The following UBE2T variants were observed in gnomAD, a reference collection of about 807,000 sequenced individuals.
The protein encoded by UBE2T is ubiquitin conjugating enzyme E2 T.
Under a neutral mutation model 23.3 loss-of-function variants are expected in UBE2T, and 15 were observed. The ratio of observed to expected loss-of-function variants is 0.64; its 90% CI spans 0.43 to 0.99. UBE2T has a LOEUF of 0.99. UBE2T is among the 50% of genes least tolerant of loss of function. UBE2T has a pLI of 0.00. For missense variants in UBE2T, 197 were observed against 234.9 expected (o/e 0.84, Z 1.05); for synonymous variants, 67 against 78.4 (o/e 0.85, Z 0.77).
chr1:202,334,622 G>C (rs1223673908), intron 3 of UBE2T, among the ~76,000 whole-genome samples: 1 of 152,216 alleles, frequency 6.6e-6, no homozygotes, highest in African/African-American at 2.4e-5. Context: ...GGGAGTTAGA[G>C]TTTAATGGCT....
chr1:202,337,001 T>G (rs1053797477), intron 1 of UBE2T, among the ~76,000 whole-genome samples: 1 of 152,204 alleles, frequency 6.6e-6, no homozygotes, highest in Admixed American at 6.5e-5. Context: ...TGGAGTGCAG[T>G]GGTGCGATCT....
At chr1:202,338,616 T>C (rs1654935782) in intron 1 of UBE2T, among the ~76,000 whole-genome samples, 1 of 152,178 alleles carries the variant, frequency 6.6e-6, no homozygotes, top group African/African-American at 2.4e-5. Flanking sequence ...ACACTGCCAA[T>C]CATGTCATCC....
In UBE2T at chr1:202,333,103, A is replaced by G. The variant is rs1450979800; in HGVS notation, c.385-10T>C. Reference sequence around the variant, plus strand: ...ATTTAAATTCTGAGGACTGAGATGAAATCAAAGAAAAGAGTTAATGGAGAA... The same window carrying G: ...ATTTAAATTCTGAGGACTGAGATGAGATCAAAGAAAAGAGTTAATGGAGAA... On this transcript the variant is annotated splice_polypyrimidine_tract_variant and intron_variant, in intron 5 of 6. Coordinates refer to ENST00000646651, the MANE Select transcript of UBE2T (RefSeq NM_014176.4). The G allele has an allele frequency of 6.2e-7, 1 of 1,612,254 alleles. No homozygotes were observed. The highest frequency in any genetic ancestry group is 8.5e-7 in the Non-Finnish European group (1 of 1,178,414).
Position 202,335,336 on chromosome 1 carries a change from C to T in UBE2T, c.110-278G>A. Reference sequence around the variant, plus strand: ...AACCTATAGATTTGTTTTGTTTGGACCGCAGTATTCTAATCATGTATGTTT... The same window carrying T: ...AACCTATAGATTTGTTTTGTTTGGATCGCAGTATTCTAATCATGTATGTTT... On this transcript the variant is annotated intron_variant, in intron 2 of 6. Transcript: ENST00000646651. The surrounding 1 kb of genome is among the most constrained non-coding windows in gnomAD (Gnocchi z 4.0). The T allele has an allele frequency of 1.8e-6, 1 of 540,804 alleles. No homozygotes were observed. 33.5% of individuals were successfully genotyped at this position (540,804 alleles called of 1,614,324 possible).
chr1:202,332,090 T>C, intron 6 of UBE2T, 130 bp from the exon 7 acceptor site: 1 of 1,150,790 alleles, frequency 8.7e-7, no homozygotes, highest in Non-Finnish European at 1.2e-6. Flanking sequence ...ATGCATACGA[T>C]ATTCTCTCAA....
chr1:202,340,666 G>A (rs1422631616), intron 1 of UBE2T, among the ~76,000 whole-genome samples: 1 of 152,240 alleles, frequency 6.6e-6, no homozygotes, highest in Non-Finnish European at 1.5e-5. Context: ...TTTGGGATCT[G>A]CAGGATGTCC....
chr1:202,334,805 G>A (rs1430933066), intron 3 of UBE2T, among the ~76,000 whole-genome samples, 184 bp downstream of exon 3: 5 of 152,006 alleles, frequency 3.3e-5, no homozygotes, highest in Admixed American at 2.6e-4. Context: ...ATGTGATCTC[G>A]CCCATTGTTC....
rs374888024 is a variant in UBE2T, at chr1:202,333,052, A to G, written c.426T>C (p.Asn142=). 5 of 1,612,860 alleles carry G rather than the reference A, an allele frequency of 3.1e-6. No individual in the cohort carries two copies. The highest frequency in any genetic ancestry group is 4.2e-6 in the Non-Finnish European group (5 of 1,179,850). ...CATGCTTCTCTGTCCACTGTCTGGC[A>G]TTCTTGAGGAAGGCTGGCTTATTAT... ...FKYNKPAFLK[N]ARQWTEKHAR... The change falls in exon 6 of 7, where the codon AAT becomes AAC. Residue 142 remains asparagine, a synonymous_variant. Coordinates refer to ENST00000646651, the MANE Select transcript of UBE2T (RefSeq NM_014176.4).
At chr1:202,338,676 A>T (rs1654936784) in intron 1 of UBE2T, among the ~76,000 whole-genome samples, 1 of 152,066 alleles carries the variant, frequency 6.6e-6, no homozygotes, top group Non-Finnish European at 1.5e-5. Flanking sequence ...CCTGCCTTCT[A>T]TTCTGACAGT....
At chr1:202,334,739 G>A (rs1249285070) in intron 3 of UBE2T, among the ~76,000 whole-genome samples, 1 of 152,124 alleles carries the variant, frequency 6.6e-6, no homozygotes, top group African/African-American at 2.4e-5. Context: ...ACTTAAAAAT[G>A]GTCAACTTTA....
At chr1:202,333,365 T>C in intron 4 of UBE2T, 30 bp from the exon 5 acceptor site, 2 of 1,613,912 alleles carry the variant, frequency 1.2e-6, no homozygotes, top group Non-Finnish European at 1.7e-6. Context: ...CAGTTGCTTT[T>C]ATATTAGAAT....
chr1:202,334,924 T>C, intron 3 of UBE2T, 65 bp downstream of exon 3: 2 of 1,476,792 alleles, frequency 1.4e-6, no homozygotes, highest in Non-Finnish European at 1.9e-6. Flanking sequence ...ATCTACTACA[T>C]TGCTCTGTCT....
intron 3 of UBE2T, 109 bp from the exon 4 acceptor site, chr1:202,333,664 A>G (rs1348062376): frequency 9.9e-7 from 1 of 1,008,354 alleles, no homozygotes; most frequent in African/African-American, 1.6e-5. Flanking sequence ...AATGTCAGGG[A>G]GACTGCCTTT....
chr1:202,332,007 A>G (rs1357247752), intron 6 of UBE2T, 47 bp from the exon 7 acceptor site: 16 of 1,593,848 alleles, frequency 1.0e-5, no homozygotes, highest in African/African-American at 1.3e-5. Flanking sequence ...CACAAATGCC[A>G]GGATGGAGAA....
chr1:202,336,841 A>C (rs1399864628), intron 1 of UBE2T, among the ~76,000 whole-genome samples: 2 of 152,168 alleles, frequency 1.3e-5, no homozygotes, highest in Non-Finnish European at 2.9e-5. Context: ...TCAATGTTCA[A>C]ATATGCTCAA....
At chr1:202,338,389 T>C (rs1052388089) in intron 1 of UBE2T, among the ~76,000 whole-genome samples, 3 of 152,084 alleles carry the variant, frequency 2.0e-5, no homozygotes, top group African/African-American at 4.8e-5. Flanking sequence ...CCAGGTAATA[T>C]TGTATTTTTT....
At chr1:202,333,627 T>G (rs1204328507) in intron 3 of UBE2T, 72 bp from the exon 4 acceptor site, 3 of 1,376,060 alleles carry the variant, frequency 2.2e-6, no homozygotes, top group African/African-American at 2.9e-5. Flanking sequence ...AATAGTTTCT[T>G]GGTCACAATA....
At chr1:202,340,485 G>A (rs1183796080) in intron 1 of UBE2T, among the ~76,000 whole-genome samples, 1 of 151,568 alleles carries the variant, frequency 6.6e-6, no homozygotes, top group South Asian at 2.1e-4. Flanking sequence ...CTGCACTCCA[G>A]CCTGGGTGGC....
intron 6 of UBE2T, among the ~76,000 whole-genome samples, chr1:202,332,744 T>C (rs1021128937): frequency 2.0e-5 from 3 of 149,082 alleles, no homozygotes; most frequent in Non-Finnish European, 3.0e-5. Flanking sequence ...CCGTCTCTAC[T>C]AAAAATACAA....
Sources: gnomAD v4.1 joint callset for allele counts (sites outside exome capture counted in the v4.1 genomes callset) on GRCh38, gnomAD v4.1.1 for gene constraint, Gnocchi (gnomAD v3.1) non-coding constraint, MANE v1.5 for transcripts, NCBI Gene and HGNC (gene_info 2026-07-23, HGNC 2026-07-21) for gene names.